SGCD: variants seen among roughly 807,000 people sequenced by gnomAD.
The protein encoded by SGCD is delta-sarcoglycan.
Under a neutral mutation model 36.6 loss-of-function variants are expected in SGCD, and 18 were observed. The ratio of observed to expected loss-of-function variants is 0.49; its 90% CI spans 0.34 to 0.73. SGCD has a LOEUF of 0.73. Ranked by LOEUF, SGCD falls within the 30% of genes least tolerant of loss-of-function variation. SGCD has a pLI of 0.01. For missense variants in SGCD, 387 were observed against 346.7 expected (o/e 1.12, Z -0.92); for synonymous variants, 133 against 130.6 (o/e 1.02, Z -0.12).
the SGCD span, among the ~76,000 whole-genome samples, chr5:155,799,647 C>G: frequency 6.6e-6 from 1 of 151,298 alleles, no homozygotes; most frequent in South Asian, 2.1e-4. Flanking sequence ...CTGCTCGCCT[C>G]GGCCTCCAAA....
intron 4 of SGCD, among the ~76,000 whole-genome samples, chr5:156,526,883 G>T (rs1757664620): frequency 6.6e-6 from 1 of 152,156 alleles, no homozygotes; most frequent in South Asian, 2.1e-4. Flanking sequence ...AATTGACTGT[G>T]CGTGCTTTTC....
chr5:155,793,419 A>T, the SGCD span, among the ~76,000 whole-genome samples: 6 of 151,954 alleles, frequency 3.9e-5, no homozygotes, highest in Middle Eastern at 0.01. Context: ...AATCCAAAAT[A>T]AAAAAAAGTT....
At chr5:156,129,569 A>G (rs1235080523) in intron 3 of SGCD, among the ~76,000 whole-genome samples, 2 of 152,210 alleles carry the variant, frequency 1.3e-5, no homozygotes, top group African/African-American at 2.4e-5. Flanking sequence ...TTTGCTGTAC[A>G]GATTAGTTCA....
chr5:156,061,266 G>T (rs1760200046), intron 1 of SGCD, among the ~76,000 whole-genome samples: 1 of 145,010 alleles, frequency 6.9e-6, no homozygotes, highest in African/African-American at 2.5e-5. Flanking sequence ...AAGGCTAAGA[G>T]AATATAAGCG....
At chr5:156,435,728 A>T (rs1476848695) in intron 3 of SGCD, among the ~76,000 whole-genome samples, 1 of 152,146 alleles carries the variant, frequency 6.6e-6, no homozygotes, top group African/African-American at 2.4e-5. Context: ...ATGGGCTACT[A>T]ACTGTTTAAA....
chr5:156,229,171 G>A (rs1764930780), intron 3 of SGCD, among the ~76,000 whole-genome samples: 1 of 149,866 alleles, frequency 6.7e-6, no homozygotes, highest in African/African-American at 2.5e-5. Flanking sequence ...TCAGCCTGCA[G>A]GTGGCCTATT....
At chr5:156,341,618 T>C (rs1768655779) in intron 2 of SGCD, among the ~76,000 whole-genome samples, 1 of 152,238 alleles carries the variant, frequency 6.6e-6, no homozygotes, top group South Asian at 2.1e-4. Context: ...CTCTTAGAAT[T>C]ATCTGGGAAG....
intron 1 of SGCD, among the ~76,000 whole-genome samples, chr5:155,886,154 A>T (rs1483326571): frequency 6.6e-6 from 1 of 152,248 alleles, no homozygotes; most frequent in Non-Finnish European, 1.5e-5. Flanking sequence ...CAAGTAATAG[A>T]TACTGATTCG....
chr5:156,540,225 A>G (rs1385415031), intron 4 of SGCD, among the ~76,000 whole-genome samples: 2 of 152,154 alleles, frequency 1.3e-5, no homozygotes, highest in Non-Finnish European at 2.9e-5. Context: ...ATAAGATAGA[A>G]ATATTGTATG....
chr5:155,866,880 A>G (rs1325499316), upstream of SGCD, among the ~76,000 whole-genome samples: 2 of 152,168 alleles, frequency 1.3e-5, no homozygotes, highest in Non-Finnish European at 2.9e-5. Context: ...GGTAGACTTT[A>G]TGGAGAACTT....
chr5:156,021,693 C>A (rs186153961), intron 1 of SGCD, among the ~76,000 whole-genome samples: 2 of 151,682 alleles, frequency 1.3e-5, no homozygotes, highest in African/African-American at 4.8e-5. Context: ...TTGGAGGTAG[C>A]GGAAACGGTG....
At chr5:156,264,734 T>G (rs1765957938) in intron 3 of SGCD, among the ~76,000 whole-genome samples, 1 of 152,100 alleles carries the variant, frequency 6.6e-6, no homozygotes, top group Non-Finnish European at 1.5e-5. Context: ...ACCACAACAG[T>G]TTGGGCATGT....
chr5:156,379,219 C>T (rs558189195), intron 3 of SGCD, among the ~76,000 whole-genome samples: 2 of 152,214 alleles, frequency 1.3e-5, no homozygotes, highest in Admixed American at 6.5e-5. Flanking sequence ...ATATTTCAGA[C>T]AGTGATAATT....
chr5:155,865,289 A>G, the SGCD span, among the ~76,000 whole-genome samples: 1 of 152,140 alleles, frequency 6.6e-6, no homozygotes, highest in Non-Finnish European at 1.5e-5. Flanking sequence ...AAATGTGGAA[A>G]GAGCAGCATT....
intron 3 of SGCD, among the ~76,000 whole-genome samples, chr5:156,160,955 A>G (rs1763073007): frequency 6.6e-6 from 1 of 151,742 alleles, no homozygotes; most frequent in Non-Finnish European, 1.5e-5. Flanking sequence ...TTCTCCTTAT[A>G]TGCAAGAGCA....
At chr5:156,608,561 T>C (rs1202692092) in intron 6 of SGCD, among the ~76,000 whole-genome samples, 3 of 152,168 alleles carry the variant, frequency 2.0e-5, no homozygotes, top group East Asian at 3.9e-4. Flanking sequence ...CTATCAGGTC[T>C]GCTTGGTGCA....
intron 1 of SGCD, among the ~76,000 whole-genome samples, chr5:155,906,149 TGTAA>T (rs1253030313): frequency 6.6e-6 from 1 of 152,146 alleles, no homozygotes; most frequent in Non-Finnish European, 1.5e-5. Context: ...ATGCTATTAA[TGTAA>T]GTGTTTTCGG....
chr5:156,315,038 G>C (rs1398058484), intron 3 of SGCD, among the ~76,000 whole-genome samples: 1 of 151,942 alleles, frequency 6.6e-6, no homozygotes, highest in Non-Finnish European at 1.5e-5. Flanking sequence ...ACCTCACATA[G>C]TTACCATTTT....
the SGCD span, among the ~76,000 whole-genome samples, chr5:155,852,446 G>T: frequency 2.6e-5 from 4 of 152,046 alleles, no homozygotes; most frequent in African/African-American, 9.7e-5. Flanking sequence ...TTTGGCAGAT[G>T]CATTTGTGAT....
Sources: allele counts gnomAD v4.1 joint callset (sites outside exome capture counted in the v4.1 genomes callset), GRCh38; gene constraint gnomAD v4.1.1; transcripts MANE v1.5; gene names NCBI Gene and HGNC (gene_info 2026-07-23, HGNC 2026-07-21).